The following NKAIN2 variants were observed in gnomAD, a reference collection of about 807,000 sequenced individuals.
NKAIN2 encodes the protein sodium/potassium transporting ATPase interacting 2, also known as sodium/potassium-transporting ATPase subunit beta-1-interacting protein 2.
Under a neutral mutation model 32.6 loss-of-function variants are expected in NKAIN2, and 14 were observed. That is an observed-to-expected ratio of 0.43 (90% CI 0.28 to 0.67). NKAIN2 has a LOEUF of 0.67. NKAIN2 is among the 30% of genes least tolerant of loss of function. The pLI is 0.17. For synonymous variants in NKAIN2, 80 were observed against 87.2 expected (o/e 0.92, Z 0.46); for missense variants, 198 against 258.3 (o/e 0.77, Z 1.60).
intron 3 of NKAIN2, among the ~76,000 whole-genome samples, chr6:124,452,214 G>A (rs1776138638): frequency 6.8e-6 from 1 of 148,096 alleles, no homozygotes; most frequent in African/African-American, 2.5e-5. Context: ...AAAAAAAACT[G>A]ACGTAATCCT....
chr6:124,238,065 G>C (rs975364782), intron 1 of NKAIN2, among the ~76,000 whole-genome samples: 1 of 151,974 alleles, frequency 6.6e-6, no homozygotes, highest in Non-Finnish European at 1.5e-5. Context: ...TGTGGAATAA[G>C]ATAAAACAGA....
At chr6:123,855,122 TTAATA>T (rs1275860586) in intron 1 of NKAIN2, among the ~76,000 whole-genome samples, 1 of 152,214 alleles carries the variant, frequency 6.6e-6, no homozygotes, top group African/African-American at 2.4e-5. Context: ...ATAAACAGAT[TTAATA>T]TAATATATGA....
intron 3 of NKAIN2, among the ~76,000 whole-genome samples, chr6:124,647,119 CTG>C (rs1398098312): frequency 6.6e-6 from 1 of 151,046 alleles, no homozygotes; most frequent in Non-Finnish European, 1.5e-5. Context: ...TTTAGGAAAA[CTG>C]TAAAAAAAAA....
intron 3 of NKAIN2, among the ~76,000 whole-genome samples, chr6:124,368,722 G>A (rs1312129887): frequency 6.6e-6 from 1 of 152,034 alleles, no homozygotes; most frequent in Non-Finnish European, 1.5e-5. Context: ...CTCATTCAAA[G>A]GCATACCTTA....
chr6:124,599,863 A>C (rs1406136055), intron 3 of NKAIN2, among the ~76,000 whole-genome samples: 1 of 152,128 alleles, frequency 6.6e-6, no homozygotes, highest in Non-Finnish European at 1.5e-5. Context: ...AATGGAACAA[A>C]AGGCAATGGA....
chr6:124,473,979 A>G (rs1777080885), intron 3 of NKAIN2, among the ~76,000 whole-genome samples: 1 of 152,204 alleles, frequency 6.6e-6, no homozygotes, highest in Non-Finnish European at 1.5e-5. Flanking sequence ...CGTTTCAGCC[A>G]CATGTATGTA....
intron 1 of NKAIN2, among the ~76,000 whole-genome samples, chr6:123,984,517 C>T (rs1038093117): frequency 2.0e-4 from 31 of 151,856 alleles, no homozygotes; most frequent in Non-Finnish European, 4.4e-4. Flanking sequence ...ACTGTAATAT[C>T]AAAAAGAAAA....
chr6:124,805,047 G>A (rs1413382479), intron 5 of NKAIN2, among the ~76,000 whole-genome samples: 2 of 152,200 alleles, frequency 1.3e-5, no homozygotes, highest in African/African-American at 2.4e-5. Flanking sequence ...GCCTCTGTAG[G>A]CTCCACCTCT....
chr6:124,206,870 C>A (rs1037381933), intron 1 of NKAIN2, among the ~76,000 whole-genome samples: 2 of 151,678 alleles, frequency 1.3e-5, no homozygotes, highest in Admixed American at 6.6e-5. Context: ...AAACTTGGAT[C>A]TCTAGATGAT....
At chr6:123,942,325 A>G (rs1776862191) in intron 1 of NKAIN2, among the ~76,000 whole-genome samples, 1 of 151,016 alleles carries the variant, frequency 6.6e-6, no homozygotes, top group African/African-American at 2.4e-5. Flanking sequence ...TAATTAAATA[A>G]AAGAGTTAAA....
chr6:124,443,096 T>C (rs1775756496), intron 3 of NKAIN2, among the ~76,000 whole-genome samples: 1 of 152,084 alleles, frequency 6.6e-6, no homozygotes, highest in South Asian at 2.1e-4. Flanking sequence ...GATGCAATAA[T>C]TTGCTTTTTA....
intron 2 of NKAIN2, among the ~76,000 whole-genome samples, chr6:124,348,542 G>T (rs1014965140): frequency 6.6e-6 from 1 of 152,226 alleles, no homozygotes; most frequent in African/African-American, 2.4e-5. Context: ...GCAATGGCGG[G>T]TGCCCCTCCC....
At chr6:124,150,681 G>T (rs1360764710) in intron 1 of NKAIN2, among the ~76,000 whole-genome samples, 1 of 152,022 alleles carries the variant, frequency 6.6e-6, no homozygotes, top group Non-Finnish European at 1.5e-5. Flanking sequence ...ATTTTTGAAA[G>T]CATATCTGTA....
chr6:124,308,735 CT>C (rs1353118004), intron 2 of NKAIN2, among the ~76,000 whole-genome samples: 1 of 152,086 alleles, frequency 6.6e-6, no homozygotes, highest in African/African-American at 2.4e-5. Context: ...CATTTCCCTT[CT>C]TAAGTATATT....
chr6:124,701,530 CAACT>C (rs1774791105), intron 4 of NKAIN2, among the ~76,000 whole-genome samples: 1 of 151,816 alleles, frequency 6.6e-6, no homozygotes, highest in Non-Finnish European at 1.5e-5. Context: ...AAACTGAAAA[CAACT>C]AATTAAAGGA....
Position 124,608,524 on chromosome 6 carries a change from T to G in NKAIN2, c.274-49662T>G, listed in dbSNP as rs551282910. 3.9e-5 allele frequency among the ~76,000 whole-genome samples: 6 copies of G among 152,252 alleles called. No homozygotes were observed. In the South Asian group the frequency reaches 1.2e-3, roughly 32 times the overall value. ...GTCATGAGGTGGGACACTGGTGAAG[T>G]GAAGGGAGTGTGCCCTCCCTACAGC... On this transcript the variant is annotated intron_variant, in intron 3 of 6. Transcript: ENST00000368417.
intron 2 of NKAIN2, among the ~76,000 whole-genome samples, chr6:124,328,126 G>A (rs1797495086): frequency 6.6e-6 from 1 of 152,142 alleles, no homozygotes; most frequent in African/African-American, 2.4e-5. Flanking sequence ...GCAGAAGCCA[G>A]AAGTGAAAGC....
intron 2 of NKAIN2, among the ~76,000 whole-genome samples, chr6:124,312,354 T>A (rs1307610909): frequency 6.6e-6 from 1 of 152,110 alleles, no homozygotes; most frequent in East Asian, 1.9e-4. Context: ...AGGTTGAGAC[T>A]CAGTCCCAGA....
At chr6:124,449,704 A>G (rs912416072) in intron 3 of NKAIN2, among the ~76,000 whole-genome samples, 2 of 152,034 alleles carry the variant, frequency 1.3e-5, no homozygotes, top group South Asian at 2.1e-4. Flanking sequence ...ACACACCCAC[A>G]TGTCAAATTT....
Sources: gnomAD v4.1 joint callset for allele counts (sites outside exome capture counted in the v4.1 genomes callset) on GRCh38, gnomAD v4.1.1 for gene constraint, MANE v1.5 for transcripts, NCBI Gene and HGNC (gene_info 2026-07-23, HGNC 2026-07-21) for gene names.